The following VAMP5 variants were observed in gnomAD, a reference collection of about 807,000 sequenced individuals.
VAMP5 encodes vesicle-associated membrane protein 5.
A neutral mutation model predicts 8.1 loss-of-function variants in VAMP5; 10 were observed. That is an observed-to-expected ratio of 1.23 (90% CI 0.76 to 2.09). The LOEUF is 2.09. Among genes scored for constraint, VAMP5 ranks in the 30% most tolerant of loss-of-function variants. The pLI, the probability that VAMP5 is intolerant of heterozygous loss-of-function variation, is 0.00. For missense variants in VAMP5, 135 were observed against 152.5 expected (o/e 0.89, Z 0.60); for synonymous variants, 62 against 60.6 (o/e 1.02, Z -0.11).
chr2:85,584,927 G>C (rs1672443912), intron 1 of VAMP5, among the ~76,000 whole-genome samples: 2 of 152,216 alleles, frequency 1.3e-5, no homozygotes. Context: ...CAGTGGCAGA[G>C]ACCCGCCTGG....
chr2:85,584,435 C>A lies in VAMP5; in HGVS notation c.-56C>A, dbSNP rs984326168. ...TCTTCCTCCGGGGCCGCTGGCACTG[C>A]GGCCGCTCCGCAGGCAGAGAAGCCG... On this transcript the variant is annotated 5_prime_UTR_variant, in exon 1 of 3. Coordinates refer to ENST00000306384, the MANE Select transcript of VAMP5 (RefSeq NM_006634.3). The A allele has an allele frequency of 1.6e-6, 2 of 1,242,116 alleles. No homozygotes were observed. The highest frequency in any genetic ancestry group is 2.0e-6 in the Non-Finnish European group (2 of 993,348). 76.9% of individuals were successfully genotyped at this position (1,242,116 alleles called of 1,614,324 possible).
At chr2:85,591,958 G>A (rs1672546037) in intron 2 of VAMP5, 96 bp downstream of exon 2, 1 of 1,558,482 alleles carries the variant, frequency 6.4e-7, no homozygotes, top group African/African-American at 1.4e-5. Flanking sequence ...GTGGGGTTGA[G>A]GCCTTCTTGA....
chr2:85,591,826 C>T lies in VAMP5; in HGVS notation c.105C>T (p.Ala35=), dbSNP rs576625118. ...GKVLERGVKL[A]ELQQRSDQLL... is the part of the protein sequence containing the mutation. ...TCCTGGAGCGTGGTGTGAAGCTGGC[C>T]GAACTGCAGCAGCGTTCAGACCAAC... Residue 35 remains alanine (A), a synonymous_variant, in exon 2 of 3, where the codon GCC becomes GCT. Coordinates refer to ENST00000306384, the MANE Select transcript of VAMP5 (RefSeq NM_006634.3). 6.2e-6 allele frequency: 10 copies of T among 1,614,090 alleles called. No individual in the cohort carries two copies. Among genetic ancestry groups the T allele is most frequent in the African/African-American group, 4.0e-5 (3 of 75,008 alleles).
chr2:85,585,765 T>A (rs1276737613), intron 1 of VAMP5, among the ~76,000 whole-genome samples: 1 of 152,144 alleles, frequency 6.6e-6, no homozygotes, highest in Non-Finnish European at 1.5e-5. Context: ...CACCCATCCA[T>A]CTCCTAGCCT....
At chr2:85,590,117 G>A (rs1276374029) in intron 1 of VAMP5, among the ~76,000 whole-genome samples, 2 of 152,142 alleles carry the variant, frequency 1.3e-5, no homozygotes, top group Non-Finnish European at 2.9e-5. Flanking sequence ...CCTGCTTACT[G>A]CTTCCTCCAG....
At chr2:85,592,518 C>A (rs1488502593) in intron 2 of VAMP5, among the ~76,000 whole-genome samples, 1 of 152,016 alleles carries the variant, frequency 6.6e-6, no homozygotes, top group Non-Finnish European at 1.5e-5. Context: ...AGAGAGCAGA[C>A]AAGGCCGGGC....
At chr2:85,586,891 C>T (rs190892082) in intron 1 of VAMP5, among the ~76,000 whole-genome samples, 5 of 152,004 alleles carry the variant, frequency 3.3e-5, no homozygotes, top group Admixed American at 6.5e-5. Flanking sequence ...CTGGCTAACA[C>T]GGTGAAACCC....
chr2:85,586,965 C>T (rs183315970), intron 1 of VAMP5, among the ~76,000 whole-genome samples: 10 of 151,666 alleles, frequency 6.6e-5, no homozygotes, highest in African/African-American at 2.4e-4. Flanking sequence ...GTCCCAGCTA[C>T]CCTGGAGGCT....
chr2:85,589,531 C>T (rs1046401907), intron 1 of VAMP5, among the ~76,000 whole-genome samples: 1 of 152,226 alleles, frequency 6.6e-6, no homozygotes, highest in Admixed American at 6.5e-5. Flanking sequence ...GTAACAACAG[C>T]TGTAGCATTT....
In VAMP5 at chr2:85,593,329, T is replaced by G. The variant is rs1490782795; in HGVS notation, c.*172T>G. ...CACAGACTGGCCCTTGAGGGCAGCC[T>G]GCTGTACTGGCCATGCTGGGCCAGC... is the stretch of plus-strand genomic sequence containing the variant. On this transcript the variant is annotated 3_prime_UTR_variant, in exon 3 of 3. Coordinates refer to ENST00000306384, the MANE Select transcript of VAMP5 (RefSeq NM_006634.3). 3 of 726,786 alleles carry G rather than the reference T, an allele frequency of 4.1e-6. No individual in the cohort carries two copies. The highest frequency in any genetic ancestry group is 6.9e-6 in the Non-Finnish European group (3 of 434,444). 45.0% of individuals were successfully genotyped at this position (726,786 alleles called of 1,614,324 possible).
In VAMP5 at chr2:85,592,956, C is replaced by A; in HGVS notation, c.150C>A (p.Thr50=). 1 of 1,613,862 alleles carries A rather than the reference C, an allele frequency of 6.2e-7. No homozygotes were observed. The highest frequency in any genetic ancestry group is 8.5e-7 in the Non-Finnish European group (1 of 1,180,028). ...RSDQLLDMSS[T]FNKTTQNLAQ... ...TCTGGGGGTATCCGCAGAGCTCAAC[C>A]TTCAACAAGACTACACAGAACCTGG... Residue 50 remains threonine (T), a synonymous_variant, in exon 3 of 3, where the codon ACC becomes ACA. Coordinates refer to ENST00000306384, the MANE Select transcript of VAMP5 (RefSeq NM_006634.3).
intron 2 of VAMP5, among the ~76,000 whole-genome samples, chr2:85,592,646 C>G (rs1239581276): frequency 6.6e-6 from 1 of 151,674 alleles, no homozygotes; most frequent in East Asian, 1.9e-4. Context: ...ACTAAAAATA[C>G]AAAAATTAGC....
intron 1 of VAMP5, among the ~76,000 whole-genome samples, chr2:85,590,620 G>A (rs77946478): frequency 0.044 from 6,759 of 152,268 alleles, 469 homozygotes; most frequent in African/African-American, 0.15. Flanking sequence ...CAAAATGTCT[G>A]TTGTAGACAA....
chr2:85,590,024 A>C (rs771922453), intron 1 of VAMP5, among the ~76,000 whole-genome samples: 10 of 152,110 alleles, frequency 6.6e-5, no homozygotes, highest in Non-Finnish European at 1.3e-4. Flanking sequence ...TGAATGCTAT[A>C]GTAGTAATAA....
intron 1 of VAMP5, among the ~76,000 whole-genome samples, chr2:85,587,464 G>C (rs1222936941): frequency 6.6e-6 from 1 of 151,806 alleles, no homozygotes; most frequent in African/African-American, 2.4e-5. Context: ...ATATTGGCCA[G>C]ACTGGTCTCA....
At chr2:85,587,917 A>G (rs1339023241) in intron 1 of VAMP5, among the ~76,000 whole-genome samples, 1 of 152,122 alleles carries the variant, frequency 6.6e-6, no homozygotes, top group Admixed American at 6.5e-5. Context: ...GACGACAGTT[A>G]GAACAGTTTC....
In VAMP5 at chr2:85,591,870, G is replaced by T; in HGVS notation, c.141+8G>T. ...GACCAACTCCTGGATATGGTGTGAGGCCTGGGGGAGCATGGAGGGGAGGGG... is the reference window on the plus strand; with the variant it reads ...GACCAACTCCTGGATATGGTGTGAGTCCTGGGGGAGCATGGAGGGGAGGGG... On this transcript the variant is annotated splice_region_variant and intron_variant, in intron 2 of 2. Coordinates refer to ENST00000306384, the MANE Select transcript of VAMP5 (RefSeq NM_006634.3). The T allele has an allele frequency of 6.2e-7, 1 of 1,614,082 alleles. No homozygotes were observed.
chr2:85,591,167 G>A (rs1672533070), intron 1 of VAMP5, among the ~76,000 whole-genome samples: 1 of 152,232 alleles, frequency 6.6e-6, no homozygotes, highest in Non-Finnish European at 1.5e-5. Context: ...CCAGTCAGAG[G>A]CCCAAAGAGG....
chr2:85,586,857 C>T (rs1315555983), intron 1 of VAMP5, among the ~76,000 whole-genome samples: 2 of 152,066 alleles, frequency 1.3e-5, no homozygotes, highest in South Asian at 2.1e-4. Context: ...AGGTGGATCA[C>T]GAGGTCAGGA....
Sources: gnomAD v4.1 joint callset for allele counts (sites outside exome capture counted in the v4.1 genomes callset) on GRCh38, gnomAD v4.1.1 for gene constraint, MANE v1.5 for transcripts, NCBI Gene and HGNC (gene_info 2026-07-23, HGNC 2026-07-21) for gene names.